The following SDK1 variants were observed in gnomAD, a reference collection of about 807,000 sequenced individuals.
SDK1 encodes the protein sidekick cell adhesion molecule 1, also known as protein sidekick-1.
A neutral mutation model predicts 245.5 loss-of-function variants in SDK1; 157 were observed. That is an observed-to-expected ratio of 0.64 (90% CI 0.56 to 0.73). SDK1 has a LOEUF of 0.73. Ranked by LOEUF, SDK1 falls within the 30% of genes least tolerant of loss-of-function variation. The pLI is 0.00. For synonymous variants in SDK1, 1,647 were observed against 1,278.5 expected (o/e 1.29, Z -6.15); for missense variants, 3,583 against 3,002.3 (o/e 1.19, Z -4.52).
intron 35 of SDK1, among the ~76,000 whole-genome samples, chr7:4,194,388 A>G (rs190179116): frequency 1.7e-5 from 2 of 114,630 alleles, no homozygotes; most frequent in Admixed American, 8.0e-5. Context: ...ATGTGTATAC[A>G]TGTATACATA....
At chr7:3,812,234 A>C (rs1195115537) in intron 4 of SDK1, among the ~76,000 whole-genome samples, 2 of 111,812 alleles carry the variant, frequency 1.8e-5, no homozygotes, top group Middle Eastern at 6.8e-3. Context: ...GAATAGTCAG[A>C]GTAAAAATGC....
chr7:3,896,381 G>T (rs1352528465), intron 5 of SDK1, among the ~76,000 whole-genome samples: 1 of 152,144 alleles, frequency 6.6e-6, no homozygotes, highest in Non-Finnish European at 1.5e-5. Context: ...GGGCTGTCAG[G>T]ATTATGTTGC....
intron 1 of SDK1, among the ~76,000 whole-genome samples, chr7:3,507,876 T>C (rs1470976296): frequency 6.6e-6 from 1 of 152,180 alleles, no homozygotes; most frequent in African/African-American, 2.4e-5. Context: ...AGCAGTTCCA[T>C]TGCAATAATA....
rs111902253 is a variant in SDK1, at chr7:3,322,281, T to G, written c.298+20397T>G. Among the ~76,000 whole-genome samples, 792 of 152,326 alleles carry G rather than the reference T, an allele frequency of 5.2e-3. 10 individuals are homozygous for G. Among genetic ancestry groups the G allele is most frequent in the African/African-American group, 0.017 (723 of 41,570 alleles). Reference sequence around the variant, plus strand: ...TGGCTGCTTTTGCCTGGTGTGATGTTTGAGGTTCATCTGGGTTGTGTTTTG... The same window carrying G: ...TGGCTGCTTTTGCCTGGTGTGATGTGTGAGGTTCATCTGGGTTGTGTTTTG... On this transcript the variant is annotated intron_variant, in intron 1 of 44. Transcript: ENST00000404826.
At position 3,999,141 on chromosome 7, in the gene SDK1, C is replaced by T. The variant is rs889417900; in HGVS notation, c.2131+11819C>T. Among the ~76,000 whole-genome samples, 6 of 152,146 alleles carry T rather than the reference C, an allele frequency of 3.9e-5. No homozygotes were observed. In the South Asian group the frequency reaches 1.0e-3, roughly 26 times the overall value. On this transcript the variant is annotated intron_variant, in intron 14 of 44. Coordinates refer to ENST00000404826, the MANE Select transcript of SDK1 (RefSeq NM_152744.4). ...CTCTCCCCAAACACACACACACACA[C>T]GCACACACACATGTATCATGTCACC...
At chr7:3,993,088 C>G (rs1283158640) in intron 14 of SDK1, among the ~76,000 whole-genome samples, 1 of 152,196 alleles carries the variant, frequency 6.6e-6, no homozygotes, top group African/African-American at 2.4e-5. Flanking sequence ...TCTATCGTTG[C>G]ATTAGAGCCG....
intron 1 of SDK1, among the ~76,000 whole-genome samples, chr7:3,425,462 TAAAATATAACTTAATA>T (rs1298388973): frequency 6.6e-6 from 1 of 152,208 alleles, no homozygotes; most frequent in African/African-American, 2.4e-5. Context: ...ACTGAATAAC[TAAAATATAACTTAATA>T]CCAGCATGAT....
intron 1 of SDK1, among the ~76,000 whole-genome samples, chr7:3,480,559 A>G (rs199858841): frequency 6.6e-6 from 1 of 152,236 alleles, no homozygotes; most frequent in Non-Finnish European, 1.5e-5. Context: ...GCCTCCTTCC[A>G]GCTCCTGCAA....
At chr7:3,420,650 C>G (rs989280937) in intron 1 of SDK1, among the ~76,000 whole-genome samples, 1 of 152,140 alleles carries the variant, frequency 6.6e-6, no homozygotes, top group Non-Finnish European at 1.5e-5. Flanking sequence ...AGGATTATAG[C>G]AAGTTGTTAT....
intron 24 of SDK1, 36 bp downstream of exon 24, chr7:4,113,475 G>T (rs779204146): frequency 1.2e-6 from 2 of 1,608,970 alleles, no homozygotes; most frequent in Non-Finnish European, 1.7e-6. Flanking sequence ...GGAGGCACAC[G>T]GGTCCTGAGT....
At chr7:3,810,905 G>T (rs1779368098) in intron 4 of SDK1, among the ~76,000 whole-genome samples, 1 of 152,150 alleles carries the variant, frequency 6.6e-6, no homozygotes, top group African/African-American at 2.4e-5. Context: ...GAGCAGATGG[G>T]CTTTGTTTTA....
At chr7:4,067,329 C>T (rs1472400309) in intron 19 of SDK1, among the ~76,000 whole-genome samples, 1 of 152,190 alleles carries the variant, frequency 6.6e-6, no homozygotes, top group Non-Finnish European at 1.5e-5. Context: ...GCCACTGCCT[C>T]GCCCCTCTGG....
At chr7:3,903,667 TAC>T (rs1781868039) in intron 5 of SDK1, among the ~76,000 whole-genome samples, 1 of 152,188 alleles carries the variant, frequency 6.6e-6, no homozygotes, top group Non-Finnish European at 1.5e-5. Flanking sequence ...CAAAAAATGG[TAC>T]ACACATGTTT....
At chr7:3,679,740 GAC>G (rs1249417765) in intron 4 of SDK1, among the ~76,000 whole-genome samples, 2 of 152,174 alleles carry the variant, frequency 1.3e-5, no homozygotes, top group South Asian at 4.1e-4. Context: ...AAAATAAAGA[GAC>G]AGTAACAACA....
chr7:3,456,038 A>G (rs1462453690), intron 1 of SDK1, among the ~76,000 whole-genome samples: 1 of 152,164 alleles, frequency 6.6e-6, no homozygotes, highest in East Asian at 1.9e-4. Flanking sequence ...TTCTTTCAGC[A>G]CTTGAAAAAT....
intron 1 of SDK1, among the ~76,000 whole-genome samples, chr7:3,478,683 C>G (rs1562511072): frequency 6.6e-6 from 1 of 151,906 alleles, no homozygotes; most frequent in African/African-American, 2.4e-5. Flanking sequence ...ATTATTGAAT[C>G]TTTATTTATT....
chr7:4,078,645 T>A (rs1780852657), intron 21 of SDK1, among the ~76,000 whole-genome samples: 1 of 152,160 alleles, frequency 6.6e-6, no homozygotes, highest in Non-Finnish European at 1.5e-5. Context: ...TTTATCCCCT[T>A]ATCTTTCTCT....
chr7:3,306,761 T>TAC (rs1163795267), intron 1 of SDK1, among the ~76,000 whole-genome samples: 1 of 152,172 alleles, frequency 6.6e-6, no homozygotes, highest in Non-Finnish European at 1.5e-5. Context: ...TGTATTGGAA[T>TAC]ACATAGGATT....
intron 4 of SDK1, among the ~76,000 whole-genome samples, chr7:3,795,585 C>G (rs1474851805): frequency 6.6e-6 from 1 of 152,054 alleles, no homozygotes; most frequent in African/African-American, 2.4e-5. Context: ...CTGTTAAATG[C>G]CTGTCTTCCA....
Sources: allele counts gnomAD v4.1 joint callset (sites outside exome capture counted in the v4.1 genomes callset), GRCh38; gene constraint gnomAD v4.1.1; transcripts MANE v1.5; gene names NCBI Gene and HGNC (gene_info 2026-07-23, HGNC 2026-07-21).